PDXDC1: variants seen among roughly 807,000 people sequenced by gnomAD.
PDXDC1 encodes pyridoxal-dependent decarboxylase domain-containing protein 1.
In PDXDC1, 42 loss-of-function variants were observed where a neutral mutation model predicts 100.1. That is an observed-to-expected ratio of 0.42 (90% confidence interval 0.33 to 0.54). The LOEUF (loss-of-function observed/expected upper bound fraction) is 0.54, where lower values mean the gene tolerates loss of function less well. Ranked by LOEUF, PDXDC1 falls within the 20% of genes least tolerant of loss-of-function variation. The probability of loss-of-function intolerance (pLI) is 0.10; values close to 1 mark genes in which losing one functional copy is unlikely to be tolerated. For missense variants in PDXDC1, 636 were observed against 979.2 expected, an observed-to-expected ratio of 0.65 and a Z score of 4.68; for synonymous variants, 260 against 371.7, an observed-to-expected ratio of 0.70 and a Z score of 3.46.
intron 16 of PDXDC1, among the ~76,000 whole-genome samples, 191 bp from the exon 17 acceptor site, chr16:15,031,544 C>T (rs1282456899): frequency 1.3e-5 from 2 of 152,160 alleles, no homozygotes; most frequent in East Asian, 3.9e-4. Context: ...CCTGCTACAG[C>T]CAGCTGTGTC....
At chr16:15,022,490 C>T (rs1264924114) in intron 12 of PDXDC1, among the ~76,000 whole-genome samples, 3 of 152,278 alleles carry the variant, frequency 2.0e-5, no homozygotes, top group African/African-American at 4.8e-5. Flanking sequence ...TTATTAGAAA[C>T]TGCTTTTCTT....
At chr16:15,023,206 G>A (rs949465735) in intron 13 of PDXDC1, among the ~76,000 whole-genome samples, 2 of 152,276 alleles carry the variant, frequency 1.3e-5, no homozygotes, top group Admixed American at 6.5e-5. Flanking sequence ...AAATGGCCCT[G>A]CTCTTGTCTT....
chr16:15,037,873 T>TTTA lies in PDXDC1; in HGVS notation c.*1601_*1603dup. On this transcript the variant is annotated 3_prime_UTR_variant, in exon 23 of 23. Coordinates refer to ENST00000396410, the MANE Select transcript of PDXDC1 (RefSeq NM_015027.4). Reference sequence around the variant, plus strand: ...ACAAATGCCTTTGCCAAAATAAGGTTTTATTTTGAAAGTCATTTGATGAAA... The same window carrying TTTA: ...ACAAATGCCTTTGCCAAAATAAGGTTTTATTATTTTGAAAGTCATTTGATGAAA... The TTTA allele has an allele frequency of 1.8e-6, 1 of 544,858 alleles. No homozygotes were observed. Among genetic ancestry groups the TTTA allele is most frequent in the Non-Finnish European group, 3.2e-6 (1 of 309,670 alleles). The allele number at this position is 544,858 out of a possible 1,614,324, so 33.8% of individuals were successfully genotyped here.
chr16:15,073,251 G>A (rs566827193), intron 16 of PDXDC1, among the ~76,000 whole-genome samples: 54 of 152,276 alleles, frequency 3.5e-4, no homozygotes, highest in Middle Eastern at 3.4e-3. Flanking sequence ...GGGAGCCCGG[G>A]AGTTCAAGGG....
chr16:15,094,500 G>A (rs2046281228), intron 16 of PDXDC1: 4 of 538,086 alleles, frequency 7.4e-6, no homozygotes, highest in Admixed American at 3.8e-5. Context: ...GGATCCCGAA[G>A]AAAGGGTGGA....
chr16:14,984,884 T>C (rs1273726836), intron 1 of PDXDC1, among the ~76,000 whole-genome samples: 1 of 152,238 alleles, frequency 6.6e-6, no homozygotes, highest in Non-Finnish European at 1.5e-5. Flanking sequence ...AAATTTTTTT[T>C]TTTCCCCTGA....
intron 16 of PDXDC1, chr16:15,061,802 C>T (rs2044723938): frequency 6.2e-7 from 1 of 1,614,076 alleles, no homozygotes; most frequent in South Asian, 1.1e-5. Flanking sequence ...ACTTGAAGGA[C>T]TTCGGAAATG....
At chr16:15,055,808 C>G (rs979918862) in intron 16 of PDXDC1, 1 of 740,752 alleles carries the variant, frequency 1.3e-6, no homozygotes, top group Non-Finnish European at 1.9e-6. Flanking sequence ...AGTTTCAAGT[C>G]TGTGTCGCGT....
At chr16:15,135,257 G>A (rs2048294592) in intron 16 of PDXDC1, 2 of 968,466 alleles carry the variant, frequency 2.1e-6, no homozygotes, top group African/African-American at 1.5e-5. Context: ...AAGGCAAGTG[G>A]CCGAGGGGCG....
intron 16 of PDXDC1, chr16:15,104,621 G>A (rs930753401): frequency 6.3e-6 from 10 of 1,598,606 alleles, no homozygotes; most frequent in African/African-American, 4.0e-5. Flanking sequence ...TGAGGCTCAG[G>A]GAGTTATCAG....
intron 1 of PDXDC1, among the ~76,000 whole-genome samples, chr16:14,991,879 G>T (rs1466697833): frequency 6.6e-6 from 1 of 152,266 alleles, no homozygotes; most frequent in African/African-American, 2.4e-5. Context: ...AGAAATAGCT[G>T]TGTTGCATTT....
intron 16 of PDXDC1, among the ~76,000 whole-genome samples, chr16:15,077,018 T>C (rs1196685033): frequency 2.0e-5 from 3 of 151,694 alleles, no homozygotes; most frequent in African/African-American, 7.3e-5. Flanking sequence ...TTGCTCTTGT[T>C]GCCCAGGCTG....
intron 16 of PDXDC1, among the ~76,000 whole-genome samples, chr16:15,043,807 G>A (rs1473088364): frequency 6.6e-6 from 1 of 152,082 alleles, no homozygotes; most frequent in East Asian, 1.9e-4. Flanking sequence ...AATTAGGTGG[G>A]TGTGGTGGCG....
At chr16:15,023,014 T>C (rs2042323651) in intron 13 of PDXDC1, among the ~76,000 whole-genome samples, 1 of 152,298 alleles carries the variant, frequency 6.6e-6, no homozygotes, top group South Asian at 2.1e-4. Context: ...ACTTCATTTA[T>C]TGTGTTAAAG....
intron 16 of PDXDC1, chr16:15,047,203 T>A: frequency 3.9e-6 from 2 of 517,804 alleles, no homozygotes; most frequent in South Asian, 3.0e-5. Context: ...CGACATCAAG[T>A]TCAAAGTCAA....
At chr16:14,992,567 G>A (rs1971084477) in intron 1 of PDXDC1, among the ~76,000 whole-genome samples, 1 of 152,282 alleles carries the variant, frequency 6.6e-6, no homozygotes, top group Non-Finnish European at 1.5e-5. Flanking sequence ...TGCTTTCTGA[G>A]CCTTCTCATA....
intron 1 of PDXDC1, among the ~76,000 whole-genome samples, chr16:14,979,321 C>T (rs1305272978): frequency 2.6e-5 from 4 of 152,246 alleles, no homozygotes; most frequent in African/African-American, 4.8e-5. Context: ...ATGGAGTCTC[C>T]CTCTGACGCC....
chr16:15,062,869 G>A (rs1224017536), intron 16 of PDXDC1, among the ~76,000 whole-genome samples: 1 of 152,216 alleles, frequency 6.6e-6, no homozygotes, highest in Non-Finnish European at 1.5e-5. Context: ...GTTTTGGTGT[G>A]CTTTTTTAAA....
chr16:15,083,656 T>G (rs950969850), intron 16 of PDXDC1: 11 of 1,567,508 alleles, frequency 7.0e-6, no homozygotes, highest in Middle Eastern at 2.3e-4. Context: ...AAACTACCAT[T>G]CTAAAAGCAA....
Sources: allele counts gnomAD v4.1 joint callset (sites outside exome capture counted in the v4.1 genomes callset), GRCh38; gene constraint gnomAD v4.1.1; transcripts MANE v1.5; gene names NCBI Gene and HGNC (gene_info 2026-07-23, HGNC 2026-07-21).